Variants in PLXNA4 observed in about 807,000 individuals in gnomAD.
PLXNA4 encodes the protein plexin-A4.
In PLXNA4, 44 loss-of-function variants were observed where a neutral mutation model predicts 191.8. The ratio of observed to expected loss-of-function variants is 0.23; its 90% CI spans 0.18 to 0.29. The LOEUF is 0.29. Among genes scored for constraint, PLXNA4 ranks in the 10% least tolerant of loss-of-function variants. PLXNA4 has a pLI of 1.00. For missense variants in PLXNA4, 1,800 were observed against 2,488.8 expected (o/e 0.72, Z 5.89); for synonymous variants, 1,082 against 1,009.5 (o/e 1.07, Z -1.36).
intron 13 of PLXNA4, among the ~76,000 whole-genome samples, chr7:132,197,762 C>A (rs757375496): frequency 6.6e-6 from 1 of 152,142 alleles, no homozygotes; most frequent in South Asian, 2.1e-4. Flanking sequence ...ATGGAAACTG[C>A]ACTCACATAC....
intron 20 of PLXNA4, among the ~76,000 whole-genome samples, chr7:132,177,393 G>A (rs1434195024): frequency 3.9e-5 from 6 of 152,212 alleles, no homozygotes; most frequent in Non-Finnish European, 7.3e-5. Context: ...AGACCCCTTG[G>A]CTTGGGCCAG....
Position 132,586,616 on chromosome 7 carries a change from C to T in PLXNA4, c.-87+59312G>A, listed in dbSNP as rs182886750. On this transcript the variant is annotated intron_variant, in intron 2 of 4. Transcript: ENST00000378539. Reference sequence around the variant, plus strand: ...AAATACAAAACAATTAGCCGGGCATCGTGGTGGGCACCTGTAGTCCCAGCT... The same window carrying T: ...AAATACAAAACAATTAGCCGGGCATTGTGGTGGGCACCTGTAGTCCCAGCT... Among the ~76,000 whole-genome samples the T allele has an allele frequency of 3.9e-5, 6 of 152,218 alleles. No individual in the cohort carries two copies. In the East Asian group the frequency reaches 7.8e-4, roughly 20 times the overall value.
chr7:132,478,030 AG>A (rs1797197787), intron 3 of PLXNA4, among the ~76,000 whole-genome samples: 1 of 152,240 alleles, frequency 6.6e-6, no homozygotes, highest in Non-Finnish European at 1.5e-5. Flanking sequence ...TGGTTGAGGC[AG>A]GGAAGCCATC....
chr7:132,564,207 C>T (rs1801593619), intron 1 of PLXNA4, among the ~76,000 whole-genome samples: 1 of 139,416 alleles, frequency 7.2e-6, no homozygotes, highest in Non-Finnish European at 1.5e-5. Context: ...TCTTCTCCTC[C>T]TCCTTCTCCT....
At chr7:132,550,128 C>T (rs965295515) in intron 1 of PLXNA4, among the ~76,000 whole-genome samples, 11 of 152,026 alleles carry the variant, frequency 7.2e-5, no homozygotes, top group Admixed American at 2.0e-4. Flanking sequence ...TAAGGTTTAC[C>T]CTGAAGGAAG....
In PLXNA4 at chr7:132,596,865, G is replaced by GAAAA. The variant is rs3067229; in HGVS notation, c.-87+49059_-87+49062dup. On this transcript the variant is annotated intron_variant, in intron 2 of 4. Coordinates refer to the PLXNA4 transcript ENST00000378539. ...AACAGAATCTAAATGCCATGGTCCT[G>GAAAA]AAAAAAAAAAAAACAGCATGGAACC... is the stretch of plus-strand genomic sequence containing the variant. Among the ~76,000 whole-genome samples, 864 of 144,626 alleles carry GAAAA rather than the reference G, an allele frequency of 6.0e-3. 16 individuals carry two copies. Among genetic ancestry groups the GAAAA allele is most frequent in the African/African-American group, 0.02 (777 of 39,264 alleles). The allele number at this position is 144,626 out of a possible 152,430, so 94.9% of individuals were successfully genotyped here.
chr7:132,209,540 C>A (rs559474058), intron 10 of PLXNA4, among the ~76,000 whole-genome samples: 1 of 151,964 alleles, frequency 6.6e-6, no homozygotes, highest in Non-Finnish European at 1.5e-5. Flanking sequence ...GCCTGGCAGC[C>A]AGGGGAGGAG....
intron 10 of PLXNA4, among the ~76,000 whole-genome samples, chr7:132,207,847 A>G (rs953629834): frequency 6.6e-6 from 1 of 152,192 alleles, no homozygotes; most frequent in South Asian, 2.1e-4. Context: ...CAGGAATAAC[A>G]CCAAAGCTGG....
intron 3 of PLXNA4, among the ~76,000 whole-genome samples, chr7:132,445,970 A>G (rs1294403539): frequency 6.6e-6 from 1 of 152,150 alleles, no homozygotes; most frequent in Non-Finnish European, 1.5e-5. Flanking sequence ...TGTGCCCTGA[A>G]AGTTGAGCTG....
At chr7:132,281,670 T>C (rs1349796474) in intron 4 of PLXNA4, among the ~76,000 whole-genome samples, 1 of 152,208 alleles carries the variant, frequency 6.6e-6, no homozygotes, top group Non-Finnish European at 1.5e-5. Context: ...CCATTGTGAA[T>C]GTATTACTTT....
chr7:132,606,235 C>T (rs1414321578), intron 2 of PLXNA4, among the ~76,000 whole-genome samples: 1 of 152,184 alleles, frequency 6.6e-6, no homozygotes, highest in Non-Finnish European at 1.5e-5. Flanking sequence ...GAAGGATTCT[C>T]CTGAGAGTTC....
Position 132,436,340 on chromosome 7 carries a change from G to A in PLXNA4, c.1371+52952C>T, listed in dbSNP as rs542451535. 3.7e-4 allele frequency among the ~76,000 whole-genome samples: 57 copies of A among 152,344 alleles called. No homozygotes were observed. In the South Asian group the frequency reaches 7.7e-3, roughly 21 times the overall value. On this transcript the variant is annotated intron_variant, in intron 3 of 31. Coordinates refer to ENST00000321063, the MANE Select transcript of PLXNA4 (RefSeq NM_020911.2). ...ATTTTAAGCAGCTAGAGTGAAAAAC[G>A]GGGAGTGATGAGGTAAGGCCATGGC...
rs201091759 is a variant in PLXNA4 at position 132,303,248 on chromosome 7, A to ATTTTTT, written c.1372-5032_1372-5027dup. 2.2e-4 allele frequency among the ~76,000 whole-genome samples: 29 copies of ATTTTTT among 129,786 alleles called. No homozygotes were observed. In the South Asian group the frequency reaches 6.8e-3, roughly 30 times the overall value. The allele number at this position is 129,786 out of a possible 152,430, so 85.1% of individuals were successfully genotyped here. On this transcript the variant is annotated intron_variant, in intron 3 of 31. Transcript: ENST00000321063. Reference sequence around the variant, plus strand: ...TGAGAAAGGATGAAAACAGAAGTTGATTTTTTTTTTTTTTTTTTTGGTAGA... The same window carrying ATTTTTT: ...TGAGAAAGGATGAAAACAGAAGTTGATTTTTTTTTTTTTTTTTTTTTTTTTGGTAGA...
chr7:132,438,904 G>A (rs1185608387), intron 3 of PLXNA4, among the ~76,000 whole-genome samples: 2 of 152,064 alleles, frequency 1.3e-5, no homozygotes, highest in Non-Finnish European at 2.9e-5. Flanking sequence ...GACTTTCACA[G>A]GTTTATATGA....
At chr7:132,269,577 C>G (rs902540143) in intron 4 of PLXNA4, among the ~76,000 whole-genome samples, 27 of 152,260 alleles carry the variant, frequency 1.8e-4, no homozygotes, top group African/African-American at 6.0e-4. Context: ...TCTGAAGGTG[C>G]AGATGCAATC....
chr7:132,610,976 C>T (rs973399748), intron 2 of PLXNA4, among the ~76,000 whole-genome samples: 2 of 152,200 alleles, frequency 1.3e-5, no homozygotes, highest in Non-Finnish European at 2.9e-5. Flanking sequence ...TGTGCCCAGG[C>T]ACCCCCATAT....
chr7:132,223,847 A>G (rs1160334216), intron 8 of PLXNA4, among the ~76,000 whole-genome samples: 3 of 152,038 alleles, frequency 2.0e-5, no homozygotes, highest in Non-Finnish European at 4.4e-5. Context: ...TCCCTTTCCC[A>G]TATGTAGCTG....
At chr7:132,606,099 G>T (rs1802918872) in intron 2 of PLXNA4, among the ~76,000 whole-genome samples, 1 of 152,204 alleles carries the variant, frequency 6.6e-6, no homozygotes, top group Non-Finnish European at 1.5e-5. Flanking sequence ...GGGAGGCGGA[G>T]GTTGCAGTGA....
intron 25 of PLXNA4, 32 bp from the exon 26 acceptor site, chr7:132,148,678 C>T (rs771570307): frequency 9.3e-6 from 15 of 1,613,502 alleles, no homozygotes; most frequent in Non-Finnish European, 1.3e-5. Context: ...TTCAGAGAGG[C>T]CCTATGACCC....
Sources: gnomAD v4.1 joint callset for allele counts (sites outside exome capture counted in the v4.1 genomes callset) on GRCh38, gnomAD v4.1.1 for gene constraint, MANE v1.5 for transcripts, NCBI Gene and HGNC (gene_info 2026-07-23, HGNC 2026-07-21) for gene names.